Variants in CLNK observed in about 807,000 individuals in gnomAD.
The protein encoded by CLNK is cytokine dependent hematopoietic cell linker, also known as cytokine-dependent hematopoietic cell linker.
Under a neutral mutation model 68.6 loss-of-function variants are expected in CLNK, and 74 were observed. The ratio of observed to expected loss-of-function variants is 1.08; its 90% confidence interval spans 0.89 to 1.31. The LOEUF (loss-of-function observed/expected upper bound fraction) is 1.31. CLNK is among the 50% of genes most tolerant of loss of function. The probability of loss-of-function intolerance (pLI) is 0.00; values close to 1 mark genes in which losing one functional copy is unlikely to be tolerated. For missense variants in CLNK, 553 were observed against 515.3 expected (o/e 1.07, Z -0.71); for synonymous variants, 198 against 172.2 (o/e 1.15, Z -1.17).
At chr4:10,666,882 G>A (rs542797609) in intron 2 of CLNK, among the ~76,000 whole-genome samples, 2 of 152,252 alleles carry the variant, frequency 1.3e-5, no homozygotes, top group East Asian at 3.9e-4. Flanking sequence ...TCCATGGGTA[G>A]CTGAGATACC....
intron 2 of CLNK, among the ~76,000 whole-genome samples, chr4:10,608,904 G>A (rs1309843500): frequency 1.3e-5 from 2 of 152,164 alleles, no homozygotes; most frequent in Non-Finnish European, 2.9e-5. Flanking sequence ...GCAGAGAGCT[G>A]TTTCCCTGTG....
chr4:10,646,524 T>C (rs146653727), intron 2 of CLNK, among the ~76,000 whole-genome samples: 330 of 152,264 alleles, frequency 2.2e-3, no homozygotes, highest in South Asian at 4.8e-3. Context: ...GAAAATTCAT[T>C]TTGCCAGGAA....
At chr4:10,559,028 C>G (rs1719788709) in intron 7 of CLNK, among the ~76,000 whole-genome samples, 1 of 152,158 alleles carries the variant, frequency 6.6e-6, no homozygotes, top group South Asian at 2.1e-4. Context: ...GGAACACAAG[C>G]ACTGTGCCGA....
intron 6 of CLNK, among the ~76,000 whole-genome samples, chr4:10,565,057 T>C (rs974141238): frequency 6.6e-6 from 1 of 152,204 alleles, no homozygotes; most frequent in Non-Finnish European, 1.5e-5. Context: ...GGCTATGCCA[T>C]GCCCTTTAAA....
chr4:10,730,985 T>A, the CLNK span, among the ~76,000 whole-genome samples: 8 of 152,350 alleles, frequency 5.3e-5, no homozygotes, highest in East Asian at 9.6e-4. Flanking sequence ...TAGGTACACG[T>A]GACATTGTGA....
At chr4:10,730,154 A>G in the CLNK span, among the ~76,000 whole-genome samples, 1 of 152,108 alleles carries the variant, frequency 6.6e-6, no homozygotes, top group Non-Finnish European at 1.5e-5. Flanking sequence ...CTGGGCACCT[A>G]CCTGGCAAGC....
rs556123828 is a variant in CLNK, at chr4:10,672,874, A to G, written c.-42-4963T>C. On this transcript the variant is annotated intron_variant, in intron 1 of 18. Coordinates refer to ENST00000226951, the MANE Select transcript of CLNK (RefSeq NM_052964.4). ...GAACACACCGATTTTTCTCATTCTT[A>G]TGGAAAGCACCAAATAATCACATGT... is the stretch of plus-strand genomic sequence containing the variant. 6.6e-5 allele frequency among the ~76,000 whole-genome samples: 10 copies of G among 152,272 alleles called. No individual in the cohort carries two copies. In the South Asian group the frequency reaches 2.1e-3, roughly 32 times the overall value.
chr4:10,665,889 C>T (rs1425523818), intron 2 of CLNK, among the ~76,000 whole-genome samples: 1 of 152,050 alleles, frequency 6.6e-6, no homozygotes, highest in Non-Finnish European at 1.5e-5. Flanking sequence ...TGAATGTGAC[C>T]CTGTTTGGGA....
chr4:10,677,954 G>A (rs545339970), intron 1 of CLNK, among the ~76,000 whole-genome samples: 40 of 152,058 alleles, frequency 2.6e-4, no homozygotes, highest in Non-Finnish European at 1.3e-4. Flanking sequence ...AGATTTTTCA[G>A]CATTGAACAA....
At chr4:10,564,268 G>A (rs1161745523) in intron 7 of CLNK, among the ~76,000 whole-genome samples, 1 of 151,922 alleles carries the variant, frequency 6.6e-6, no homozygotes, top group Non-Finnish European at 1.5e-5. Context: ...GCTTAGAGAG[G>A]TTTCATGACT....
chr4:10,672,333 T>A (rs1724680395), intron 1 of CLNK, among the ~76,000 whole-genome samples: 1 of 152,196 alleles, frequency 6.6e-6, no homozygotes. Flanking sequence ...CAGGTGAGTT[T>A]GTTTCTCACA....
chr4:10,681,750 C>T (rs1359833645), intron 1 of CLNK, among the ~76,000 whole-genome samples: 1 of 152,178 alleles, frequency 6.6e-6, no homozygotes, highest in African/African-American at 2.4e-5. Context: ...GGAACATCAG[C>T]AGGGTACTCA....
rs533724628 is a variant in CLNK, at chr4:10,652,845, C to CA, written c.11+15013dup. ...CTTTTCATGCACACATGGAATATTG[C>CA]AAAAAAATGCCCCTTATATCATTCT... On this transcript the variant is annotated intron_variant, in intron 2 of 18. Coordinates refer to ENST00000226951, the MANE Select transcript of CLNK (RefSeq NM_052964.4). Among the ~76,000 whole-genome samples, 166 of 152,054 alleles carry CA rather than the reference C, an allele frequency of 1.1e-3. 1 individual carries two copies. Among genetic ancestry groups the CA allele is most frequent in the African/African-American group, 3.8e-3 (158 of 41,486 alleles).
intron 3 of CLNK, among the ~76,000 whole-genome samples, chr4:10,592,407 G>A (rs1156861393): frequency 1.3e-5 from 2 of 152,088 alleles, no homozygotes; most frequent in Admixed American, 6.6e-5. Flanking sequence ...TTCCTCTAGC[G>A]GGCAGAGCCA....
In CLNK at chr4:10,581,585, A is replaced by G. The variant is rs112318372; in HGVS notation, c.112+3342T>C. Among the ~76,000 whole-genome samples, 1,120 of 152,280 alleles carry G rather than the reference A, an allele frequency of 7.4e-3. 3 individuals are homozygous for G. The highest frequency in any genetic ancestry group is 0.02 in the Middle Eastern group (6 of 294). On this transcript the variant is annotated intron_variant, in intron 4 of 18. Coordinates refer to ENST00000226951, the MANE Select transcript of CLNK (RefSeq NM_052964.4). ...CCTTGGAAGTTTACTTCTGTTCTCT[A>G]GTTCTTAATTTCCTCATATGTAAAA...
At chr4:10,723,882 CAGAG>C in the CLNK span, among the ~76,000 whole-genome samples, 5,406 of 70,790 alleles carry the variant, frequency 0.076, 396 homozygotes, top group African/African-American at 0.17. Flanking sequence ...ACACAGGAGT[CAGAG>C]AGAGAGAGAG....
the CLNK span, among the ~76,000 whole-genome samples, chr4:10,707,171 G>A: frequency 1.1e-4 from 16 of 152,084 alleles, no homozygotes; most frequent in African/African-American, 3.6e-4. Flanking sequence ...GGGCCACATT[G>A]GTAGAAGAAT....
At chr4:10,669,413 G>C (rs1049694724) in intron 1 of CLNK, among the ~76,000 whole-genome samples, 1 of 152,084 alleles carries the variant, frequency 6.6e-6, no homozygotes, top group Non-Finnish European at 1.5e-5. Context: ...TGTCTTGCCA[G>C]GTAAGTCTGG....
intron 2 of CLNK, among the ~76,000 whole-genome samples, chr4:10,646,917 C>T (rs1257311590): frequency 6.6e-6 from 1 of 152,190 alleles, no homozygotes; most frequent in African/African-American, 2.4e-5. Flanking sequence ...AAGACTTTTG[C>T]TGTTAAGACT....
Sources: gnomAD v4.1 joint callset for allele counts (sites outside exome capture counted in the v4.1 genomes callset) on GRCh38, gnomAD v4.1.1 for gene constraint, MANE v1.5 for transcripts, NCBI Gene and HGNC (gene_info 2026-07-23, HGNC 2026-07-21) for gene names.